The following PRSS23 variants were observed in gnomAD, a reference collection of about 807,000 sequenced individuals.
PRSS23 encodes protease, serine 23.
PRSS23 carries 25 observed loss-of-function variants against 34.7 expected under a neutral mutation model. The observed-to-expected ratio is 0.72, with a 90% confidence interval of 0.53 to 1.01. PRSS23 has a LOEUF of 1.01. Ranked by LOEUF, PRSS23 falls within the 50% of genes least tolerant of loss-of-function variation. The pLI, the probability that PRSS23 is intolerant of heterozygous loss-of-function variation, is 0.00. For missense variants in PRSS23, 445 were observed against 475.6 expected, an observed-to-expected ratio of 0.94 and a Z score of 0.60; for synonymous variants, 176 against 186.6, an observed-to-expected ratio of 0.94 and a Z score of 0.46.
chr11:86,838,702 T>TG (rs1196293602), intron 2 of PRSS23, among the ~76,000 whole-genome samples: 2 of 152,180 alleles, frequency 1.3e-5, no homozygotes, highest in Non-Finnish European at 2.9e-5. Flanking sequence ...GTAGCCTGAC[T>TG]GGGAGACATC....
intron 2 of PRSS23, among the ~76,000 whole-genome samples, chr11:86,926,133 T>G (rs1355824923): frequency 6.6e-6 from 1 of 152,120 alleles, no homozygotes; most frequent in Non-Finnish European, 1.5e-5. Flanking sequence ...GAGGCCGAGG[T>G]GGGTGGATCA....
chr11:86,821,327 A>T, intron 1 of PRSS23: 1 of 681,066 alleles, frequency 1.5e-6, no homozygotes, highest in Non-Finnish European at 2.4e-6. Context: ...AACATGTGAA[A>T]ATATTCTGTA....
At chr11:86,893,044 C>T (rs1425140710) in intron 2 of PRSS23, among the ~76,000 whole-genome samples, 2 of 152,088 alleles carry the variant, frequency 1.3e-5, no homozygotes, top group East Asian at 3.9e-4. Flanking sequence ...GGGCCTAAAT[C>T]CAATGGCTGT....
chr11:86,939,426 A>ATATATATATATATTTTTT, intron 2 of PRSS23, among the ~76,000 whole-genome samples: 22 of 94,054 alleles, frequency 2.3e-4, no homozygotes, highest in Admixed American at 9.2e-4. Flanking sequence ...ATATATATAT[A>ATATATATATATATTTTTT]TTTTTTAACA....
At chr11:86,843,075 A>G (rs1202783181) in intron 2 of PRSS23, among the ~76,000 whole-genome samples, 1 of 152,320 alleles carries the variant, frequency 6.6e-6, no homozygotes, top group East Asian at 1.9e-4. Context: ...AAACAGATAT[A>G]TAGACCAATG....
Position 86,807,903 on chromosome 11 carries a change from A to T in PRSS23, c.260A>T (p.Tyr87Phe). 1 of 1,614,170 alleles carries T rather than the reference A, an allele frequency of 6.2e-7. No homozygotes were observed. The change falls in exon 2 of 2, where the codon TAT (tyrosine) becomes TTT (phenylalanine). Residue 87 changes from tyrosine to phenylalanine, a missense_variant. Physicochemically the swap from Tyr to Phe is conservative, Grantham distance 22 (BLOSUM62 3). Transcript: ENST00000280258. ...GAAGAGGCCAAGCAATATCTGTCTT[A>T]TGAAACGCTCTATGCCAATGGCAGC... ...TYEEAKQYLS[Y>F]ETLYANGSRT...
chr11:86,918,091 A>G (rs1405066394), intron 2 of PRSS23, among the ~76,000 whole-genome samples: 1 of 152,230 alleles, frequency 6.6e-6, no homozygotes, highest in Non-Finnish European at 1.5e-5. Flanking sequence ...CATACCTTTG[A>G]ATTTTAGAAA....
At chr11:86,898,886 A>G (rs1016865174) in intron 2 of PRSS23, among the ~76,000 whole-genome samples, 2 of 152,128 alleles carry the variant, frequency 1.3e-5, no homozygotes, top group Admixed American at 1.3e-4. Flanking sequence ...GCACTCATCT[A>G]TGTTAATTTG....
chr11:86,824,314 A>AAAT (rs1948279530), intron 2 of PRSS23, among the ~76,000 whole-genome samples: 12 of 127,818 alleles, frequency 9.4e-5, no homozygotes, highest in South Asian at 7.5e-4. Context: ...CCTGTGTCAA[A>AAAT]AATAAAAATA....
intron 2 of PRSS23, among the ~76,000 whole-genome samples, chr11:86,847,401 G>A (rs933289477): frequency 2.2e-4 from 33 of 152,208 alleles, no homozygotes; most frequent in Non-Finnish European, 1.0e-4. Context: ...GCCCCATTTA[G>A]TAGTCAATGG....
chr11:86,939,403 A>AAAAAATAT (rs60997928), intron 2 of PRSS23, among the ~76,000 whole-genome samples: 1 of 80,550 alleles, frequency 1.2e-5, no homozygotes, highest in Non-Finnish European at 2.9e-5. Flanking sequence ...TAAAAAAAAA[A>AAAAAATAT]ATATATATAT....
intron 2 of PRSS23, chr11:86,951,128 G>A: frequency 6.2e-7 from 1 of 1,613,132 alleles, no homozygotes; most frequent in Non-Finnish European, 8.5e-7. Context: ...AGAAAGCATG[G>A]AGGCTGACTA....
intron 2 of PRSS23, among the ~76,000 whole-genome samples, chr11:86,841,360 A>AAG (rs781763903): frequency 0.23 from 25,355 of 110,830 alleles, 2,740 homozygotes; most frequent in East Asian, 0.4. Flanking sequence ...AAAGAAGAAG[A>AAG]AAAAAAAAAA....
chr11:86,857,439 G>T, intron 2 of PRSS23: 1 of 369,006 alleles, frequency 2.7e-6, no homozygotes, highest in Non-Finnish European at 5.2e-6. Context: ...TGTCAGAACA[G>T]GCAAGGTTGA....
chr11:86,873,247 C>CAT (rs1491504320), intron 2 of PRSS23, among the ~76,000 whole-genome samples: 1 of 79,840 alleles, frequency 1.3e-5, no homozygotes, highest in Non-Finnish European at 2.4e-5. Context: ...CACACACACA[C>CAT]ATATATATGT....
chr11:86,895,572 T>G lies in PRSS23; in HGVS notation c.207-55644T>G, dbSNP rs1027523171. On this transcript the variant is annotated intron_variant, in intron 2 of 2. Transcript: ENST00000533902. The stretch of plus-strand genomic sequence containing the variant: ...TTGGCTCACTGCAGCCTTGACCTCT[T>G]GGGCTCAAGTGATCCTCCCACCTCA... Among the ~76,000 whole-genome samples, 7 of 149,828 alleles carry G rather than the reference T, an allele frequency of 4.7e-5. No homozygotes were observed. The Admixed American group carries it at 4.7e-4, about 10-fold the overall frequency.
At chr11:86,825,513 T>C (rs573381550) in intron 2 of PRSS23, among the ~76,000 whole-genome samples, 1,928 of 152,250 alleles carry the variant, frequency 0.013, 34 homozygotes, top group African/African-American at 0.044. Context: ...TTTTGTCTTT[T>C]GTTGCCACTG....
At chr11:86,839,056 T>TAA (rs36015483) in intron 2 of PRSS23, among the ~76,000 whole-genome samples, 94 of 144,130 alleles carry the variant, frequency 6.5e-4, no homozygotes, top group East Asian at 2.6e-3. Context: ...AGCAAAAAAT[T>TAA]AAAAAAAAAA....
chr11:86,898,454 A>G (rs2134981113), intron 2 of PRSS23, among the ~76,000 whole-genome samples: 1 of 152,352 alleles, frequency 6.6e-6, no homozygotes, highest in Middle Eastern at 3.4e-3. Context: ...CAGAATGCCA[A>G]GGACTCATTT....
Sources: allele counts gnomAD v4.1 joint callset (sites outside exome capture counted in the v4.1 genomes callset), GRCh38; gene constraint gnomAD v4.1.1; transcripts MANE v1.5; gene names NCBI Gene and HGNC (gene_info 2026-07-23, HGNC 2026-07-21).